The following SLC12A7 variants were observed in gnomAD, a reference collection of about 807,000 sequenced individuals.
SLC12A7 encodes K-Cl cotransporter 4.
A neutral mutation model predicts 120.6 loss-of-function variants in SLC12A7; 100 were observed. The ratio of observed to expected loss-of-function variants is 0.83; its 90% CI spans 0.71 to 0.98. The LOEUF (loss-of-function observed/expected upper bound fraction) is 0.98. Among genes scored for constraint, SLC12A7 ranks in the 50% least tolerant of loss-of-function variants. The pLI, the probability that SLC12A7 is intolerant of heterozygous loss-of-function variation, is 0.00. For synonymous variants in SLC12A7, 760 were observed against 678.0 expected (o/e 1.12, Z -1.88); for missense variants, 1,373 against 1,548.1 (o/e 0.89, Z 1.90).
At chr5:1,131,263 G>A in the SLC12A7 span, among the ~76,000 whole-genome samples, 17 of 152,160 alleles carry the variant, frequency 1.1e-4, no homozygotes, top group South Asian at 2.1e-4. Context: ...CCTCCCGGCC[G>A]TCCTGCTCCT....
At chr5:1,123,635 AGGGGCCG>A in the SLC12A7 span, among the ~76,000 whole-genome samples, 4 of 152,218 alleles carry the variant, frequency 2.6e-5, no homozygotes, top group Non-Finnish European at 5.9e-5. Flanking sequence ...TTCCCCGCTG[AGGGGCCG>A]GGGGCCGCGG....
intron 21 of SLC12A7, among the ~76,000 whole-genome samples, chr5:1,059,477 CGT>C (rs1735960321): frequency 1.3e-5 from 2 of 152,204 alleles, no homozygotes; most frequent in East Asian, 3.9e-4. Context: ...TGCAGACACA[CGT>C]GTGTGATACC....
chr5:1,145,445 G>C, the SLC12A7 span, among the ~76,000 whole-genome samples: 14 of 152,224 alleles, frequency 9.2e-5, no homozygotes, highest in Non-Finnish European at 1.5e-5. This position sits in a 1 kb window ranked among gnomAD's most constrained non-coding sequence, Gnocchi z 4.4. Flanking sequence ...GCACTGAGGA[G>C]CCATCGGAGG....
At chr5:1,100,444 G>T (rs1431742579) in intron 1 of SLC12A7, among the ~76,000 whole-genome samples, 1 of 152,228 alleles carries the variant, frequency 6.6e-6, no homozygotes, top group African/African-American at 2.4e-5. Flanking sequence ...CAGCCCCCAG[G>T]TGCCCTGGGT....
chr5:1,150,303 G>T, the SLC12A7 span, among the ~76,000 whole-genome samples: 14 of 145,420 alleles, frequency 9.6e-5, no homozygotes, highest in Admixed American at 2.8e-4. Context: ...CCCCGATAGA[G>T]CCATGCAGGA....
chr5:1,123,361 C>T, the SLC12A7 span, among the ~76,000 whole-genome samples: 1 of 152,120 alleles, frequency 6.6e-6, no homozygotes, highest in South Asian at 2.1e-4. Flanking sequence ...CACTCCTGGG[C>T]CCTTGAACCC....
chr5:1,091,956 A>G (rs528458899), intron 3 of SLC12A7, among the ~76,000 whole-genome samples: 17 of 152,272 alleles, frequency 1.1e-4, no homozygotes, highest in Non-Finnish European at 2.4e-4. Context: ...CGAGCCGGGA[A>G]GGACCCAGCA....
chr5:1,064,491 G>A (rs552386639), intron 18 of SLC12A7, among the ~76,000 whole-genome samples: 3 of 152,384 alleles, frequency 2.0e-5, no homozygotes, highest in African/African-American at 7.2e-5. Flanking sequence ...GAGAAGGGGA[G>A]GGAGTGCCTG....
In SLC12A7 at chr5:1,075,341, G is replaced by A. The variant is rs201571783; in HGVS notation, c.1967+30C>T. 1,021 of 1,600,852 alleles carry A rather than the reference G, an allele frequency of 6.4e-4. 2 individuals are homozygous for A. In the African/African-American group the frequency reaches 0.011, roughly 17 times the overall value. ...AGAGGGGCCCGCCCTCCCGTGCGCCGGGTCTGTAAGGGGGGCTGACAGCGC... is the reference window on the plus strand; with the variant it reads ...AGAGGGGCCCGCCCTCCCGTGCGCCAGGTCTGTAAGGGGGGCTGACAGCGC... On this transcript the variant is annotated intron_variant, in intron 15 of 23. Coordinates refer to ENST00000264930, the MANE Select transcript of SLC12A7 (RefSeq NM_006598.3).
At chr5:1,069,338 G>C (rs1488358145) in intron 17 of SLC12A7, among the ~76,000 whole-genome samples, 1 of 152,230 alleles carries the variant, frequency 6.6e-6, no homozygotes, top group African/African-American at 2.4e-5. Flanking sequence ...CCACCCCTAG[G>C]CTGACCGGCC....
At chr5:1,095,955 G>A (rs975301245) in intron 1 of SLC12A7, among the ~76,000 whole-genome samples, 8 of 152,202 alleles carry the variant, frequency 5.3e-5, no homozygotes, top group African/African-American at 7.2e-5. Flanking sequence ...CCAGTGCCAC[G>A]GAGCAGCGGC....
intron 3 of SLC12A7, among the ~76,000 whole-genome samples, chr5:1,090,849 A>T (rs1328460506): frequency 6.6e-6 from 1 of 152,220 alleles, no homozygotes; most frequent in Non-Finnish European, 1.5e-5. Context: ...TTAAGGCTCA[A>T]CCTGACCCAA....
chr5:1,152,545 G>A, the SLC12A7 span, among the ~76,000 whole-genome samples: 3 of 142,238 alleles, frequency 2.1e-5, no homozygotes, highest in African/African-American at 8.1e-5. Flanking sequence ...CCTAGAGAAG[G>A]GAGACCTCCC....
intron 1 of SLC12A7, among the ~76,000 whole-genome samples, chr5:1,098,041 G>C (rs534505524): frequency 2.0e-5 from 3 of 151,774 alleles, no homozygotes; most frequent in African/African-American, 4.9e-5. Flanking sequence ...GAGACCCTTC[G>C]TTAAAAATCC....
intron 1 of SLC12A7, among the ~76,000 whole-genome samples, chr5:1,106,059 C>T (rs942780851): frequency 2.0e-5 from 3 of 152,194 alleles, no homozygotes; most frequent in Non-Finnish European, 2.9e-5. Context: ...CTGATGGAGC[C>T]GGTTGAAATC....
upstream of SLC12A7, among the ~76,000 whole-genome samples, chr5:1,115,016 G>C (rs1255351367): frequency 1.3e-5 from 2 of 152,214 alleles, no homozygotes; most frequent in Non-Finnish European, 2.9e-5. Context: ...ATTGGTTCCC[G>C]ACAATCTCCC....
chr5:1,133,877 T>C, the SLC12A7 span, among the ~76,000 whole-genome samples: 1 of 151,660 alleles, frequency 6.6e-6, no homozygotes, highest in South Asian at 2.1e-4. Flanking sequence ...CCAGAGAGGG[T>C]TGTGTGGAGC....
chr5:1,082,026 G>A (rs1257020830), intron 8 of SLC12A7, among the ~76,000 whole-genome samples: 1 of 107,922 alleles, frequency 9.3e-6, no homozygotes, highest in Non-Finnish European at 2.4e-5. Context: ...GTTCTGGAAA[G>A]TCCAGGCTTC....
At chr5:1,135,708 G>T in the SLC12A7 span, among the ~76,000 whole-genome samples, 66 of 152,338 alleles carry the variant, frequency 4.3e-4, 1 homozygote, top group Middle Eastern at 6.8e-3. Flanking sequence ...GATATTCCTG[G>T]AAAGACAAAC....
Sources: allele counts gnomAD v4.1 joint callset (sites outside exome capture counted in the v4.1 genomes callset), GRCh38; gene constraint gnomAD v4.1.1; non-coding constraint Gnocchi (gnomAD v3.1); transcripts MANE v1.5; gene names NCBI Gene and HGNC (gene_info 2026-07-23, HGNC 2026-07-21).